The following NFIB variants were observed in gnomAD, a reference collection of about 807,000 sequenced individuals.
The protein encoded by NFIB is nuclear factor I B.
A neutral mutation model predicts 61.5 loss-of-function variants in NFIB; 11 were observed. The observed-to-expected ratio is 0.18, with a 90% CI of 0.11 to 0.30. The LOEUF (loss-of-function observed/expected upper bound fraction) is 0.30. Ranked by LOEUF, NFIB falls within the 10% of genes least tolerant of loss-of-function variation. NFIB has a pLI of 1.00. For synonymous variants in NFIB, 260 were observed against 216.5 expected (o/e 1.20, Z -1.76); for missense variants, 471 against 608.9 (o/e 0.77, Z 2.38).
chr9:14,197,467 G>C (rs1385866497), intron 2 of NFIB, among the ~76,000 whole-genome samples: 1 of 152,188 alleles, frequency 6.6e-6, no homozygotes, highest in Non-Finnish European at 1.5e-5. Context: ...TCTTGATGGA[G>C]CCCAGCCCTC....
At chr9:14,451,404 C>G in the NFIB span, among the ~76,000 whole-genome samples, 1 of 152,292 alleles carries the variant, frequency 6.6e-6, no homozygotes, top group Non-Finnish European at 1.5e-5. Context: ...AATGTGCTCA[C>G]TACCCAGCTT....
intron 10 of NFIB, among the ~76,000 whole-genome samples, chr9:14,103,116 T>C (rs112136485): frequency 4.1e-4 from 63 of 152,272 alleles, no homozygotes; most frequent in African/African-American, 1.4e-3. Context: ...CTCAGAGTAA[T>C]GGCATTTAAA....
At chr9:14,126,565 T>C (rs566727331) in intron 6 of NFIB, among the ~76,000 whole-genome samples, 1 of 152,186 alleles carries the variant, frequency 6.6e-6, no homozygotes, top group East Asian at 1.9e-4. Context: ...AGAGAGGAAA[T>C]ACTCAGAAAA....
At chr9:14,289,139 T>TAC (rs984359062) in intron 2 of NFIB, among the ~76,000 whole-genome samples, 6 of 143,728 alleles carry the variant, frequency 4.2e-5, no homozygotes, top group East Asian at 2.1e-4. Context: ...TATATATATA[T>TAC]ACATATATAT....
At chr9:14,458,642 T>C in the NFIB span, among the ~76,000 whole-genome samples, 18 of 152,312 alleles carry the variant, frequency 1.2e-4, no homozygotes, top group Non-Finnish European at 1.8e-4. Context: ...CAAAATCTTC[T>C]TAAGCTGATA....
In NFIB at chr9:14,382,489, T is replaced by C. The variant is rs908491678; in HGVS notation, c.108+16035A>G. Among the ~76,000 whole-genome samples the C allele has an allele frequency of 3.9e-5, 6 of 152,214 alleles. No homozygotes were observed. The South Asian group carries it at 8.3e-4, about 21-fold the overall frequency. Reference sequence around the variant, plus strand: ...CAGTGTCAGGGGAGAGAGGTGACTATATTTTGCTGGCCACAGGGCCAGCTC... The same window carrying C: ...CAGTGTCAGGGGAGAGAGGTGACTACATTTTGCTGGCCACAGGGCCAGCTC... On this transcript the variant is annotated intron_variant, in intron 1 of 8. Coordinates refer to the NFIB transcript ENST00000380934.
At chr9:14,439,949 G>C in the NFIB span, among the ~76,000 whole-genome samples, 1 of 152,348 alleles carries the variant, frequency 6.6e-6, no homozygotes, top group East Asian at 1.9e-4. Flanking sequence ...GGCAGGGCAG[G>C]AGAAGAACTT....
the NFIB span, among the ~76,000 whole-genome samples, chr9:14,502,279 T>G: frequency 6.6e-6 from 1 of 152,170 alleles, no homozygotes; most frequent in Non-Finnish European, 1.5e-5. Context: ...TTATGTATAG[T>G]TTTTCCACCT....
At chr9:14,204,226 T>C (rs1193302832) in intron 2 of NFIB, 3 of 560,902 alleles carry the variant, frequency 5.3e-6, no homozygotes, top group Non-Finnish European at 9.4e-6. Context: ...GATCTCTCTT[T>C]TCCCGCCGTC....
chr9:14,467,060 A>G, the NFIB span, among the ~76,000 whole-genome samples: 2 of 152,134 alleles, frequency 1.3e-5, no homozygotes, highest in Non-Finnish European at 2.9e-5. Context: ...AGAACCAGCA[A>G]AAGTCAGGCT....
the NFIB span, among the ~76,000 whole-genome samples, chr9:14,462,590 G>C: frequency 6.6e-6 from 1 of 152,072 alleles, no homozygotes; most frequent in African/African-American, 2.4e-5. Flanking sequence ...CCACCGTATG[G>C]TATTCTTGAA....
upstream of NFIB, among the ~76,000 whole-genome samples, chr9:14,400,312 A>T (rs1010335): frequency 0.047 from 7,205 of 152,284 alleles, 199 homozygotes; most frequent in Non-Finnish European, 0.066. Flanking sequence ...GCATTCAGAA[A>T]CGATGTTTGC....
intron 8 of NFIB, among the ~76,000 whole-genome samples, chr9:14,118,144 AG>A (rs2038407143): frequency 1.3e-5 from 2 of 152,114 alleles, no homozygotes; most frequent in East Asian, 1.9e-4. Flanking sequence ...TTCCTTTCAA[AG>A]GGAAAAAGTA....
chr9:14,167,344 A>C (rs1271201013), intron 3 of NFIB, among the ~76,000 whole-genome samples: 1 of 152,086 alleles, frequency 6.6e-6, no homozygotes, highest in African/African-American at 2.4e-5. Flanking sequence ...GGAGCTTAAG[A>C]CCAGCCTGGA....
intron 10 of NFIB, among the ~76,000 whole-genome samples, chr9:14,097,962 A>T (rs2035131038): frequency 6.7e-6 from 1 of 149,050 alleles, no homozygotes; most frequent in Non-Finnish European, 1.5e-5. Flanking sequence ...TTGAGAAATC[A>T]AGCAACTCTC....
chr9:14,121,060 C>T (rs1350285174), intron 7 of NFIB, among the ~76,000 whole-genome samples: 2 of 152,074 alleles, frequency 1.3e-5, no homozygotes, highest in African/African-American at 4.8e-5. Flanking sequence ...GTCAGGAGTT[C>T]GAGACCAGCC....
At position 14,376,630 on chromosome 9, in the gene NFIB, C is replaced by T. The variant is rs571754793; in HGVS notation, c.108+21894G>A. On this transcript the variant is annotated intron_variant, in intron 1 of 8. Coordinates refer to the NFIB transcript ENST00000380934. ...CTCCCAGGTTCAAGTGATTCTCCTC[C>T]GTCAACCTCCCCAGTAGCTGGGATT... Among the ~76,000 whole-genome samples the T allele has an allele frequency of 2.2e-4, 34 of 151,984 alleles. 1 individual carries two copies. In the South Asian group the frequency reaches 5.6e-3, roughly 25 times the overall value.
the NFIB span, among the ~76,000 whole-genome samples, chr9:14,457,866 C>T: frequency 6.6e-6 from 1 of 152,134 alleles, no homozygotes; most frequent in Non-Finnish European, 1.5e-5. Flanking sequence ...GGCATTGAGG[C>T]AATAATTAAT....
At chr9:14,320,958 A>C (rs2060645342) in intron 1 of NFIB, among the ~76,000 whole-genome samples, 1 of 152,106 alleles carries the variant, frequency 6.6e-6, no homozygotes, top group South Asian at 2.1e-4. Context: ...AAAAATACTT[A>C]GAGATCTTGT....
Sources: gnomAD v4.1 joint callset for allele counts (sites outside exome capture counted in the v4.1 genomes callset) on GRCh38, gnomAD v4.1.1 for gene constraint, MANE v1.5 for transcripts, NCBI Gene and HGNC (gene_info 2026-07-23, HGNC 2026-07-21) for gene names.